The following CFAP161 variants were observed in gnomAD, a reference collection of about 807,000 sequenced individuals.
The protein encoded by CFAP161 is cilia and flagella associated protein 161.
In CFAP161, 25 loss-of-function variants were observed where a neutral mutation model predicts 29.0. The observed-to-expected ratio is 0.86, with a 90% CI of 0.63 to 1.20. The LOEUF (loss-of-function observed/expected upper bound fraction) is 1.20, where lower values mean the gene tolerates loss of function less well. Ranked by LOEUF, CFAP161 falls within the 50% of genes most tolerant of loss-of-function variation. The pLI is 0.00. For synonymous variants in CFAP161, 116 were observed against 137.4 expected, an observed-to-expected ratio of 0.84 and a Z score of 1.09; for missense variants, 367 against 371.9, an observed-to-expected ratio of 0.99 and a Z score of 0.11.
chr15:81,133,198 TATATATATATATATATATA>T (rs1894737476), upstream of CFAP161, among the ~76,000 whole-genome samples: 1 of 55,542 alleles, frequency 1.8e-5, no homozygotes, highest in African/African-American at 6.7e-5. Context: ...TATATATATA[TATATATATATATATATATA>T]TATATATGTA....
chr15:81,135,384 C>G, intron 2 of CFAP161, 25 bp downstream of exon 2: 7 of 1,488,256 alleles, frequency 4.7e-6, no homozygotes, highest in Non-Finnish European at 6.4e-6. Flanking sequence ...TTTTATTACA[C>G]TTTAAGTTTT....
chr15:81,134,147 G>C (rs1894764346), upstream of CFAP161: 20 of 618,960 alleles, frequency 3.2e-5, 1 homozygote, highest in South Asian at 3.8e-4. Flanking sequence ...GGGCTGGAGG[G>C]CCACAGACAG....
At chr15:81,105,108 T>TCCCTCCCTC (rs1567149825) in intron 1 of CFAP161, among the ~76,000 whole-genome samples, 1 of 19,114 alleles carries the variant, frequency 5.2e-5, no homozygotes, top group African/African-American at 1.1e-4. Flanking sequence ...CTCCCTCCCT[T>TCCCTCCCTC]CCTTTCTCCC....
At chr15:81,103,773 T>A (rs1293826581) in intron 1 of CFAP161, among the ~76,000 whole-genome samples, 1 of 152,046 alleles carries the variant, frequency 6.6e-6, no homozygotes, top group African/African-American at 2.4e-5. Context: ...GCTCTGGAGG[T>A]CTGAACTTGC....
Position 81,136,491 on chromosome 15 carries a change from T to G in CFAP161, c.160-25T>G, listed in dbSNP as rs776175061. On this transcript the variant is annotated intron_variant, in intron 2 of 6. Transcript: ENST00000286732. ...CTGTTGAGGAATTGCATGGTTTATGTAATAAACTACTATCAAAATTGTAGA... is the reference window on the plus strand; with the variant it reads ...CTGTTGAGGAATTGCATGGTTTATGGAATAAACTACTATCAAAATTGTAGA... 3 of 1,597,828 alleles carry G rather than the reference T, an allele frequency of 1.9e-6. No homozygotes were observed. In the Admixed American group the frequency reaches 5.0e-5, roughly 27 times the overall value.
In CFAP161 at chr15:81,148,604, C is replaced by A; in HGVS notation, c.*71C>A. ...TGTAGCTTTAAAAGAAATTAACAAC[C>A]TTGGTCATGCCTCAAGCTATTTTTG... On this transcript the variant is annotated 3_prime_UTR_variant, in exon 7 of 7. Transcript: ENST00000286732. 1 of 1,440,988 alleles carries A rather than the reference C, an allele frequency of 6.9e-7. No individual in the cohort carries two copies. Among genetic ancestry groups the A allele is most frequent in the South Asian group, 1.4e-5 (1 of 73,066 alleles). 89.3% of individuals were successfully genotyped at this position (1,440,988 alleles called of 1,614,324 possible).
rs752084250 is a variant in CFAP161, at chr15:81,136,517, T to C, written c.161T>C (p.Met54Thr). ...AATAAACTACTATCAAAATTGTAGA[T>C]GCAACTTTCCGTAACTGAAGATGGC... ...RRLKQNLLRP[M>T]QLSVTEDGYI... The change falls in exon 3 of 7, where the codon ATG becomes ACG. Residue 54 changes from methionine to threonine, a missense_variant and splice_region_variant. Met to Thr is a moderately conservative substitution (Grantham distance 81). Coordinates refer to ENST00000286732, the MANE Select transcript of CFAP161 (RefSeq NM_173528.4). 25 of 1,613,862 alleles carry C rather than the reference T, an allele frequency of 1.5e-5. No homozygotes were observed. The African/African-American group carries it at 2.8e-4, about 18-fold the overall frequency.
Position 81,105,287 on chromosome 15 carries a change from CTTCCT to C in CFAP161, c.-141-22299_-141-22295del, listed in dbSNP as rs1237519468. On this transcript the variant is annotated intron_variant, in intron 1 of 4. Transcript: ENST00000560091. ...TCTCTTTCTTTCTTTTTCTTTTTTCCTTCCTTTCTTTTCCTTCCTTTCTTCCTTTC... is the reference window on the plus strand; with the variant it reads ...TCTCTTTCTTTCTTTTTCTTTTTTCCTTCTTTTCCTTCCTTTCTTCCTTTC... Among the ~76,000 whole-genome samples the C allele has an allele frequency of 3.3e-5, 4 of 120,520 alleles. No homozygotes were observed. The Admixed American group carries it at 3.7e-4, about 11-fold the overall frequency. The allele number at this position is 120,520 out of a possible 152,430, so 79.1% of individuals were successfully genotyped here.
At chr15:81,132,771 A>G (rs946598678), upstream of CFAP161, among the ~76,000 whole-genome samples, 1 of 152,180 alleles carries the variant, frequency 6.6e-6, no homozygotes, top group East Asian at 1.9e-4. Context: ...TATGAAAAAT[A>G]CTTAAAAGGA....
At chr15:81,125,288 G>A (rs2663915) in intron 1 of CFAP161, among the ~76,000 whole-genome samples, 132,685 of 152,168 alleles carry the variant, frequency 0.87, 58,358 homozygotes, top group African/African-American at 0.95. Flanking sequence ...GTATTTAAAT[G>A]CAAACCTTAA....
chr15:81,133,738 G>A (rs1328345791), upstream of CFAP161, among the ~76,000 whole-genome samples: 1 of 152,046 alleles, frequency 6.6e-6, no homozygotes, highest in Non-Finnish European at 1.5e-5. Context: ...GCAAAAATAT[G>A]GACAACCTCA....
upstream of CFAP161, among the ~76,000 whole-genome samples, chr15:81,133,462 C>T (rs1267902068): frequency 1.3e-5 from 2 of 151,960 alleles, no homozygotes; most frequent in African/African-American, 2.4e-5. Flanking sequence ...AGCGGAGGCT[C>T]CTGTCTTCCA....
At chr15:81,125,875 TG>T (rs1330740298) in intron 1 of CFAP161, among the ~76,000 whole-genome samples, 2 of 152,320 alleles carry the variant, frequency 1.3e-5, no homozygotes, top group Non-Finnish European at 1.5e-5. Context: ...TTTTTGTTTT[TG>T]TTTTTGTTTT....
In CFAP161 at chr15:81,138,001, T is replaced by C. The variant is rs540571170; in HGVS notation, c.393-50T>C. 5.5e-5 allele frequency: 75 copies of C among 1,368,936 alleles called. No individual in the cohort carries two copies. In the South Asian group the frequency reaches 9.0e-4, roughly 16 times the overall value. 84.8% of individuals were successfully genotyped at this position (1,368,936 alleles called of 1,614,324 possible). The stretch of plus-strand genomic sequence containing the variant: ...CATAAAAAATAGAGTCATAGAATGA[T>C]TCTAATACAGAGAGTTTACATTTAC... On this transcript the variant is annotated intron_variant, in intron 3 of 6. Coordinates refer to ENST00000286732, the MANE Select transcript of CFAP161 (RefSeq NM_173528.4).
chr15:81,100,333 T>A (rs953807301), intron 1 of CFAP161, among the ~76,000 whole-genome samples: 9 of 151,752 alleles, frequency 5.9e-5, no homozygotes, highest in Non-Finnish European at 4.4e-5. Context: ...TATAGAGTTC[T>A]TTATTTTGAC....
intron 1 of CFAP161, among the ~76,000 whole-genome samples, chr15:81,112,996 T>C (rs1222480117): frequency 6.6e-6 from 1 of 152,198 alleles, no homozygotes; most frequent in African/African-American, 2.4e-5. Flanking sequence ...TTTTGAGGAA[T>C]GTAAATTTAA....
chr15:81,120,257 G>C (rs1168793297), intron 1 of CFAP161, among the ~76,000 whole-genome samples: 2 of 152,154 alleles, frequency 1.3e-5, no homozygotes, highest in Non-Finnish European at 2.9e-5. Flanking sequence ...ATGTTATAGA[G>C]AAATGTAAAC....
intron 1 of CFAP161, among the ~76,000 whole-genome samples, chr15:81,108,238 T>G (rs1198972050): frequency 6.6e-6 from 1 of 152,142 alleles, no homozygotes; most frequent in Non-Finnish European, 1.5e-5. Flanking sequence ...TGCAGAAAAA[T>G]AGAAATGGAC....
intron 1 of CFAP161, among the ~76,000 whole-genome samples, chr15:81,108,232 GA>G: frequency 6.6e-6 from 1 of 152,026 alleles, no homozygotes; most frequent in Non-Finnish European, 1.5e-5. Context: ...TTAAATTGCA[GA>G]AAAATAGAAA....
Sources: allele counts gnomAD v4.1 joint callset (sites outside exome capture counted in the v4.1 genomes callset), GRCh38; gene constraint gnomAD v4.1.1; transcripts MANE v1.5; gene names NCBI Gene and HGNC (gene_info 2026-07-23, HGNC 2026-07-21).